The following ITIH1 variants were observed in gnomAD, a reference collection of about 807,000 sequenced individuals.
The protein encoded by ITIH1 is inter-alpha-trypsin inhibitor heavy chain H1.
In ITIH1, 94 loss-of-function variants were observed where a neutral mutation model predicts 104.6. The observed-to-expected ratio is 0.90, with a 90% CI of 0.76 to 1.07. The LOEUF is 1.07. ITIH1 is among the 50% of genes least tolerant of loss of function. ITIH1 has a pLI of 0.00. For missense variants in ITIH1, 1,193 were observed against 1,181.4 expected, an observed-to-expected ratio of 1.01 and a Z score of -0.14; for synonymous variants, 455 against 464.4, an observed-to-expected ratio of 0.98 and a Z score of 0.26.
In ITIH1 at chr3:52,788,263, G is replaced by GC; in HGVS notation, c.2041dup (p.Gln681ProfsTer12). ...CAGACCCTCACTTCATCATCCACGT[G>GC]CCCCAGAAAGAGGACACCCTGTGCT... On this transcript the variant is annotated frameshift_variant, in exon 18 of 22. Transcript: ENST00000273283. LOFTEE classifies it high-confidence loss of function. The GC allele has an allele frequency of 6.2e-7, 1 of 1,612,050 alleles. No individual in the cohort carries two copies. The highest frequency in any genetic ancestry group is 8.5e-7 in the Non-Finnish European group (1 of 1,179,148).
chr3:52,778,194 C>A, intron 2 of ITIH1, 146 bp from the exon 3 acceptor site: 1 of 1,100,994 alleles, frequency 9.1e-7, no homozygotes, highest in Non-Finnish European at 1.4e-6. Context: ...CGGTCTCAGC[C>A]AGAGAGCAGG....
intron 21 of ITIH1, 42 bp from the exon 22 acceptor site, chr3:52,791,740 A>C (rs751581915): frequency 6.2e-7 from 1 of 1,606,362 alleles, no homozygotes. Context: ...GTGCTGCCCT[A>C]CTGGTCCGAA....
chr3:52,792,052 G>A lies in ITIH1; in HGVS notation c.*141G>A, dbSNP rs1454274887. 1.0e-6 allele frequency: 1 copy of A among 981,020 alleles called. No individual in the cohort carries two copies. Among genetic ancestry groups the A allele is most frequent in the Non-Finnish European group, 1.5e-6 (1 of 680,758 alleles). 60.8% of individuals were successfully genotyped at this position (981,020 alleles called of 1,614,324 possible). A position where few individuals can be genotyped will look rare whatever the true frequency, so the allele number is the denominator to read the frequency against. ...CACCTCATGCCTTCCATTAAAGAGA[G>A]GCCGTGTCCACCCTGAGCTGGCTGA... On this transcript the variant is annotated 3_prime_UTR_variant, in exon 22 of 22. Coordinates refer to ENST00000273283, the MANE Select transcript of ITIH1 (RefSeq NM_002215.4).
chr3:52,784,161 C>A, intron 10 of ITIH1, 135 bp from the exon 11 acceptor site: 2 of 732,478 alleles, frequency 2.7e-6, no homozygotes, highest in Non-Finnish European at 4.5e-6. Context: ...GGACGCGATG[C>A]CTCAGGATGC....
intron 16 of ITIH1, 178 bp from the exon 17 acceptor site, chr3:52,787,808 G>A: frequency 1.1e-6 from 1 of 904,876 alleles, no homozygotes; most frequent in Non-Finnish European, 1.8e-6. Context: ...AACATGCCAG[G>A]CCAAGCTTCT....
At position 52,783,203 on chromosome 3, in the gene ITIH1, C is replaced by T. The variant is rs376747006; in HGVS notation, c.1100-11C>T. On this transcript the variant is annotated splice_polypyrimidine_tract_variant and intron_variant, in intron 9 of 21. Coordinates refer to ENST00000273283, the MANE Select transcript of ITIH1 (RefSeq NM_002215.4). The stretch of plus-strand genomic sequence containing the variant: ...GAGGGCATACACTGGTCTGCTTTCT[C>T]TTCCTTGCAGCCACAAACCTGAATG... 6.4e-5 allele frequency: 103 copies of T among 1,614,040 alleles called. No individual in the cohort carries two copies. Among genetic ancestry groups the T allele is most frequent in the Non-Finnish European group, 4.0e-5 (47 of 1,180,054 alleles).
intron 6 of ITIH1, among the ~76,000 whole-genome samples, chr3:52,781,213 TCTTCTTCTTC>T (rs1699036519): frequency 9.0e-5 from 2 of 22,204 alleles, no homozygotes; most frequent in Non-Finnish European, 9.6e-5. Context: ...TTTTTTTTCT[TCTTCTTCTTC>T]TTCTTCTTCT....
At chr3:52,788,427 A>G (rs1699260801) in intron 18 of ITIH1, 82 bp downstream of exon 18, 1 of 961,608 alleles carries the variant, frequency 1.0e-6, no homozygotes. Flanking sequence ...GACTATGGCC[A>G]AGGCCCTCAC....
intron 6 of ITIH1, among the ~76,000 whole-genome samples, chr3:52,780,828 G>A (rs915442285): frequency 7.2e-5 from 11 of 152,194 alleles, no homozygotes; most frequent in African/African-American, 1.7e-4. Flanking sequence ...ACGACTTGTC[G>A]CTTGCCACTA....
chr3:52,782,109 G>A, intron 7 of ITIH1, 42 bp from the exon 8 acceptor site: 1 of 1,614,156 alleles, frequency 6.2e-7, no homozygotes, highest in Non-Finnish European at 8.5e-7. Context: ...GATGGGCAAG[G>A]GGTGCTGTGA....
Position 52,777,602 on chromosome 3 carries a change from A to G in ITIH1, c.-14A>G. 1.3e-6 allele frequency: 2 copies of G among 1,538,808 alleles called. No homozygotes were observed. The highest frequency in any genetic ancestry group is 1.7e-6 in the Non-Finnish European group (2 of 1,143,216). On this transcript the variant is annotated 5_prime_UTR_variant, in exon 1 of 22. Coordinates refer to ENST00000273283, the MANE Select transcript of ITIH1 (RefSeq NM_002215.4). ...GGTCTGACTGAGGTGACAGGGCAGC[A>G]GGAGCCTTAGAGCATGGACGGTGCC...
chr3:52,785,647 C>G (rs529855055), intron 12 of ITIH1, among the ~76,000 whole-genome samples: 23 of 152,276 alleles, frequency 1.5e-4, no homozygotes, highest in African/African-American at 5.3e-4. Flanking sequence ...CATGTGAGAC[C>G]TGGATCCTGC....
rs1699219646 is a variant in ITIH1, at chr3:52,786,970, G to A, written c.1759G>A (p.Ala587Thr). 6.2e-7 allele frequency: 1 copy of A among 1,613,806 alleles called. No homozygotes were observed. The highest frequency in any genetic ancestry group is 1.3e-5 in the African/African-American group (1 of 75,044). ...KRMKVDREER[A>T]NLSSQALQMS... The stretch of plus-strand genomic sequence containing the variant: ...GATGAAGGTGGACAGGGAGGAGAGG[G>A]CCAACCTGTCATCCCAGGCCCTGCA... Residue 587 changes from alanine to threonine, a missense_variant, in exon 14 of 22, where the codon GCC (alanine) becomes ACC (threonine). Physicochemically the swap from Ala to Thr is moderately conservative, Grantham distance 58 (BLOSUM62 0). Transcript: ENST00000273283.
In ITIH1 at chr3:52,786,235, C is replaced by A. The variant is rs139492471; in HGVS notation, c.1594-60C>A. 8.8e-3 allele frequency: 13,395 copies of A among 1,529,768 alleles called. 252 individuals carry two copies. The highest frequency in any genetic ancestry group is 0.065 in the South Asian group (5,381 of 82,422). The allele number at this position is 1,529,768 out of a possible 1,614,324, so 94.8% of individuals were successfully genotyped here. ...GAAATGGGCCCCTCAGAGCCCCTAG[C>A]ACCAGCCAGGGGCCGTGCTTATCAT... On this transcript the variant is annotated intron_variant, in intron 12 of 21. Coordinates refer to ENST00000273283, the MANE Select transcript of ITIH1 (RefSeq NM_002215.4).
At chr3:52,791,085 C>T (rs775969670) in intron 20 of ITIH1, among the ~76,000 whole-genome samples, 164 bp downstream of exon 20, 1 of 152,172 alleles carries the variant, frequency 6.6e-6, no homozygotes, top group South Asian at 2.1e-4. Context: ...GTTGGTGAGG[C>T]TGTGAGCAAA....
intron 19 of ITIH1, 47 bp from the exon 20 acceptor site, chr3:52,790,702 G>T: frequency 6.3e-7 from 1 of 1,586,078 alleles, no homozygotes; most frequent in Non-Finnish European, 8.6e-7. Context: ...GAATGGAGAG[G>T]GATGCAGTGC....
rs1699099013 is a variant in ITIH1 at position 52,782,862 on chromosome 3, CTGTGGA to C, written c.931-93_931-88del. The C allele has an allele frequency of 3.9e-5, 48 of 1,236,408 alleles. 1 individual carries two copies. In the South Asian group the frequency reaches 6.4e-4, roughly 17 times the overall value. The allele number at this position is 1,236,408 out of a possible 1,614,324, so 76.6% of individuals were successfully genotyped here. A position where few individuals can be genotyped will look rare whatever the true frequency, so the allele number is the denominator to read the frequency against. On this transcript the variant is annotated intron_variant, in intron 8 of 21. Transcript: ENST00000273283. Reference sequence around the variant, plus strand: ...TCCTATCTCCTCCTGCTTGTCCACCCTGTGGATCTCTGAAATGGGTATTTGGAGTTG... The same window carrying C: ...TCCTATCTCCTCCTGCTTGTCCACCCTCTCTGAAATGGGTATTTGGAGTTG...
rs761456968 is a variant in ITIH1, at chr3:52,791,890, T to C, written c.2715T>C (p.Tyr905=). ...TCATCGATGGTGCCTACACTGATTA[T>C]ATCGTCCCCGACATCTTCTGAGCCC... is the stretch of plus-strand genomic sequence containing the variant. ...AGLIDGAYTD[Y]IVPDIF Residue 905 remains tyrosine (Y), a synonymous_variant, in exon 22 of 22, where the codon TAT becomes TAC. Coordinates refer to ENST00000273283, the MANE Select transcript of ITIH1 (RefSeq NM_002215.4). 11 of 1,613,424 alleles carry C rather than the reference T, an allele frequency of 6.8e-6. No homozygotes were observed. Among genetic ancestry groups the C allele is most frequent in the Non-Finnish European group, 9.3e-6 (11 of 1,179,666 alleles).
Position 52,779,295 on chromosome 3 carries a change from A to G in ITIH1, c.411-137A>G. 1.0e-6 allele frequency: 1 copy of G among 987,146 alleles called. No homozygotes were observed. The highest frequency in any genetic ancestry group is 1.5e-6 in the Non-Finnish European group (1 of 647,338). The allele number at this position is 987,146 out of a possible 1,614,324, so 61.1% of individuals were successfully genotyped here. On this transcript the variant is annotated intron_variant, in intron 4 of 21. Transcript: ENST00000273283. This position sits in a 1 kb window ranked among gnomAD's most constrained non-coding sequence, Gnocchi z 4.4. ...CTGACCCTGACCAGCCAGCTAACAC[A>G]TTTGTGAGGTCCAGGGAAACCTGGG...
Sources: gnomAD v4.1 joint callset for allele counts (sites outside exome capture counted in the v4.1 genomes callset) on GRCh38, gnomAD v4.1.1 for gene constraint, Gnocchi (gnomAD v3.1) non-coding constraint, MANE v1.5 for transcripts, NCBI Gene and HGNC (gene_info 2026-07-23, HGNC 2026-07-21) for gene names.